Variants in OPCML observed in about 807,000 individuals in gnomAD.
OPCML encodes opioid-binding protein/cell adhesion molecule.
OPCML carries 13 observed loss-of-function variants against 37.8 expected under a neutral mutation model. That is an observed-to-expected ratio of 0.34 (90% CI 0.22 to 0.55). OPCML has a LOEUF of 0.55. OPCML is among the 20% of genes least tolerant of loss of function. OPCML has a pLI of 0.91. For synonymous variants in OPCML, 176 were observed against 168.8 expected (o/e 1.04, Z -0.33); for missense variants, 341 against 435.6 (o/e 0.78, Z 1.93).
chr11:133,207,347 G>A (rs1481391042), intron 1 of OPCML, among the ~76,000 whole-genome samples: 1 of 151,926 alleles, frequency 6.6e-6, no homozygotes, highest in Admixed American at 6.6e-5. Context: ...CCGTCTAAAT[G>A]GTGTCTTTGA....
intron 4 of OPCML, among the ~76,000 whole-genome samples, chr11:132,521,018 AT>A (rs1275786159): frequency 1.3e-5 from 2 of 152,094 alleles, no homozygotes; most frequent in Non-Finnish European, 2.9e-5. Context: ...GTGTGAAAGC[AT>A]TCCTATTTCT....
At chr11:133,291,050 T>C (rs1942458843) in intron 1 of OPCML, among the ~76,000 whole-genome samples, 1 of 152,228 alleles carries the variant, frequency 6.6e-6, no homozygotes, top group African/African-American at 2.4e-5. Context: ...TAAAATCACA[T>C]CTCATAAATA....
intron 1 of OPCML, among the ~76,000 whole-genome samples, chr11:133,140,855 A>ACGAAGGAGAAGGAGAAGGAGAAGG (rs1565468233): frequency 5.2e-5 from 3 of 58,144 alleles, no homozygotes; most frequent in Non-Finnish European, 1.4e-4. Flanking sequence ...GACGACGACG[A>ACGAAGGAGAAGGAGAAGGAGAAGG]AGAAGACGAC....
intron 2 of OPCML, among the ~76,000 whole-genome samples, chr11:132,786,308 C>T (rs1477390615): frequency 6.6e-6 from 1 of 152,062 alleles, no homozygotes; most frequent in East Asian, 1.9e-4. Context: ...CCAAAATTAG[C>T]CATTAGAGTA....
At chr11:132,903,758 G>GAA (rs1361861911) in intron 2 of OPCML, among the ~76,000 whole-genome samples, 14 of 152,150 alleles carry the variant, frequency 9.2e-5, no homozygotes, top group Non-Finnish European at 5.9e-5. Context: ...AACAAAGCAG[G>GAA]AAACACCGTT....
At chr11:133,472,289 C>A (rs1462446298) in intron 1 of OPCML, among the ~76,000 whole-genome samples, 1 of 152,118 alleles carries the variant, frequency 6.6e-6, no homozygotes, top group Non-Finnish European at 1.5e-5. Flanking sequence ...AAATGCATTT[C>A]TCTGCATTAT....
intron 2 of OPCML, among the ~76,000 whole-genome samples, chr11:132,748,474 T>G (rs534578068): frequency 6.6e-6 from 1 of 152,142 alleles, no homozygotes; most frequent in Non-Finnish European, 1.5e-5. Flanking sequence ...CAAAACCAAA[T>G]AGAACCACGT....
intron 1 of OPCML, chr11:133,006,389 C>T (rs1016583177): frequency 1.0e-6 from 1 of 960,952 alleles, no homozygotes; most frequent in Non-Finnish European, 1.2e-6. Context: ...GGCCATGGGA[C>T]AAAGAACCCC....
chr11:132,461,992 G>A (rs959429500), intron 4 of OPCML, among the ~76,000 whole-genome samples: 2 of 152,138 alleles, frequency 1.3e-5, no homozygotes, highest in Non-Finnish European at 2.9e-5. Context: ...ACATTTGGGT[G>A]GGAACATAGA....
At chr11:132,908,523 G>T (rs1277968183) in intron 2 of OPCML, among the ~76,000 whole-genome samples, 1 of 152,112 alleles carries the variant, frequency 6.6e-6, no homozygotes, top group Non-Finnish European at 1.5e-5. Flanking sequence ...CCCTCTCCCT[G>T]GGTCTTCCCA....
At chr11:132,965,207 A>G (rs985728717) in intron 1 of OPCML, among the ~76,000 whole-genome samples, 11 of 152,200 alleles carry the variant, frequency 7.2e-5, no homozygotes, top group African/African-American at 2.4e-4. Flanking sequence ...TCATCTGGAA[A>G]TAAGTACCGA....
intron 1 of OPCML, among the ~76,000 whole-genome samples, chr11:132,971,482 C>G (rs1006857071): frequency 1.3e-5 from 2 of 152,208 alleles, no homozygotes; most frequent in African/African-American, 4.8e-5. Flanking sequence ...GTGCGTTCAG[C>G]CCCACCCCAT....
intron 2 of OPCML, among the ~76,000 whole-genome samples, chr11:132,792,144 C>T (rs1413170636): frequency 6.6e-6 from 1 of 152,150 alleles, no homozygotes; most frequent in Non-Finnish European, 1.5e-5. Context: ...TTTTCATTTG[C>T]TTTAAAATAG....
chr11:133,406,114 C>G (rs1361240888), intron 1 of OPCML, among the ~76,000 whole-genome samples: 1 of 152,036 alleles, frequency 6.6e-6, no homozygotes, highest in Non-Finnish European at 1.5e-5. Context: ...CCTCAATAAA[C>G]ATACTATTAT....
chr11:133,501,143 G>A (rs1004791678), intron 1 of OPCML, among the ~76,000 whole-genome samples: 10 of 152,136 alleles, frequency 6.6e-5, no homozygotes, highest in African/African-American at 1.9e-4. Flanking sequence ...CTCCTTGCCC[G>A]TAATAAGGGA....
chr11:132,888,412 C>T (rs1316964173), intron 2 of OPCML, among the ~76,000 whole-genome samples: 1 of 152,174 alleles, frequency 6.6e-6, no homozygotes, highest in Non-Finnish European at 1.5e-5. Context: ...ACAGCCATGC[C>T]TTCAGCATGC....
chr11:133,064,925 C>T (rs1948415969), intron 1 of OPCML: 1 of 152,146 alleles, frequency 6.6e-6, no homozygotes, highest in Non-Finnish European at 1.5e-5. Context: ...AGATATGAAG[C>T]ATAGTACATG....
rs1164554524 is a variant in OPCML at position 133,211,334 on chromosome 11, A to C, written c.62-268324T>G. Among the ~76,000 whole-genome samples, 1 of 152,132 alleles carries C rather than the reference A, an allele frequency of 6.6e-6. No individual in the cohort carries two copies. Among genetic ancestry groups the C allele is most frequent in the Non-Finnish European group, 1.5e-5 (1 of 68,034 alleles). ...ATCCACTCTTTAAGCATAATAGTCT[A>C]TTGATTACCTCAGTTATTGAACCCT... On this transcript the variant is annotated intron_variant, in intron 1 of 7. Transcript: ENST00000524381. The surrounding 1 kb of genome is among the most constrained non-coding windows in gnomAD (Gnocchi z 4.1).
intron 2 of OPCML, among the ~76,000 whole-genome samples, chr11:132,810,431 C>T (rs1939274578): frequency 6.6e-6 from 1 of 152,142 alleles, no homozygotes; most frequent in African/African-American, 2.4e-5. Context: ...CCAGGCAGGG[C>T]ACGGTGGCTC....
Sources: gnomAD v4.1 joint callset for allele counts (sites outside exome capture counted in the v4.1 genomes callset) on GRCh38, gnomAD v4.1.1 for gene constraint, Gnocchi (gnomAD v3.1) non-coding constraint, MANE v1.5 for transcripts, NCBI Gene and HGNC (gene_info 2026-07-23, HGNC 2026-07-21) for gene names.